The following PKIG variants were observed in gnomAD, a reference collection of about 807,000 sequenced individuals.
The protein encoded by PKIG is cAMP-dependent protein kinase inhibitor gamma.
PKIG carries 1 observed loss-of-function variant against 6.8 expected under a neutral mutation model. The observed-to-expected ratio is 0.15, with a 90% confidence interval of 0.05 to 0.69. The LOEUF (loss-of-function observed/expected upper bound fraction) is 0.69, where lower values mean the gene tolerates loss of function less well. PKIG is among the 30% of genes least tolerant of loss of function. The pLI is 0.82. For synonymous variants in PKIG, 39 were observed against 43.0 expected, an observed-to-expected ratio of 0.91 and a Z score of 0.36; for missense variants, 77 against 104.0, an observed-to-expected ratio of 0.74 and a Z score of 1.13.
chr20:44,604,006 A>G (rs1217314315), intron 2 of PKIG, among the ~76,000 whole-genome samples: 1 of 151,850 alleles, frequency 6.6e-6, no homozygotes, highest in African/African-American at 2.4e-5. Flanking sequence ...GAAGTAGAGG[A>G]CAGAGGGCTT....
intron 1 of PKIG, among the ~76,000 whole-genome samples, chr20:44,538,061 A>G (rs1568800866): frequency 6.6e-6 from 1 of 152,200 alleles, no homozygotes; most frequent in Non-Finnish European, 1.5e-5. Flanking sequence ...AAAGGACAAT[A>G]TAAGGTATAC....
intron 1 of PKIG, among the ~76,000 whole-genome samples, chr20:44,545,520 AT>A (rs1315166900): frequency 1.3e-5 from 2 of 152,174 alleles, no homozygotes; most frequent in Non-Finnish European, 2.9e-5. Context: ...GAAGAAAAAA[AT>A]TATAAAAATA....
rs79341820 is a variant in PKIG at position 44,601,094 on chromosome 20, A to G, written c.-24+11228A>G. 1.6e-3 allele frequency among the ~76,000 whole-genome samples: 251 copies of G among 152,322 alleles called. 2 individuals carry two copies. Among genetic ancestry groups the G allele is most frequent in the African/African-American group, 5.7e-3 (237 of 41,588 alleles). On this transcript the variant is annotated intron_variant, in intron 2 of 3. Coordinates refer to ENST00000372886, the MANE Select transcript of PKIG (RefSeq NM_001281445.2). ...AGGCCCAAAGGGTGTGGTGTCTGGA[A>G]GTCCCATGAAGAGAATGGTCCGGGA...
intron 2 of PKIG, among the ~76,000 whole-genome samples, chr20:44,603,612 C>G (rs2065140267): frequency 6.6e-6 from 1 of 152,200 alleles, no homozygotes; most frequent in South Asian, 2.1e-4. Context: ...ATCAAGAACC[C>G]TGGGCAAGTG....
intron 1 of PKIG, among the ~76,000 whole-genome samples, chr20:44,573,457 C>T (rs969070544): frequency 6.6e-6 from 1 of 152,214 alleles, no homozygotes; most frequent in Non-Finnish European, 1.5e-5. Flanking sequence ...GCGCAAGTTA[C>T]GTAACTTTTC....
At chr20:44,548,085 A>G (rs2064632710) in intron 1 of PKIG, among the ~76,000 whole-genome samples, 1 of 152,134 alleles carries the variant, frequency 6.6e-6, no homozygotes, top group Non-Finnish European at 1.5e-5. Context: ...ATGCTGGGGC[A>G]GGAGAATTAC....
At chr20:44,605,451 A>G (rs745462650) in intron 2 of PKIG, among the ~76,000 whole-genome samples, 1 of 151,368 alleles carries the variant, frequency 6.6e-6, no homozygotes, top group Non-Finnish European at 1.5e-5. Context: ...AGACCCCAAT[A>G]CACAGTTTTG....
intron 2 of PKIG, chr20:44,598,709 C>T (rs919957582): frequency 3.3e-5 from 5 of 152,212 alleles, no homozygotes; most frequent in Non-Finnish European, 5.9e-5. Context: ...CTGGGGAGGA[C>T]CCAGCATGCC....
At chr20:44,608,180 A>T (rs2065184074) in intron 2 of PKIG, among the ~76,000 whole-genome samples, 2 of 152,204 alleles carry the variant, frequency 1.3e-5, no homozygotes, top group South Asian at 4.1e-4. Flanking sequence ...TTTAGACCAC[A>T]TGCACACATA....
At chr20:44,608,377 C>A (rs1254043818) in intron 2 of PKIG, among the ~76,000 whole-genome samples, 2 of 152,080 alleles carry the variant, frequency 1.3e-5, no homozygotes, top group Non-Finnish European at 2.9e-5. Flanking sequence ...CATTTTAATG[C>A]CTGAATGGTA....
intron 2 of PKIG, among the ~76,000 whole-genome samples, chr20:44,594,094 G>T (rs1345312185): frequency 6.6e-6 from 1 of 152,082 alleles, no homozygotes; most frequent in Non-Finnish European, 1.5e-5. Flanking sequence ...ACATCATTTG[G>T]CCAATGTACC....
intron 1 of PKIG, among the ~76,000 whole-genome samples, chr20:44,534,315 G>A (rs756264408): frequency 3.5e-4 from 54 of 152,150 alleles, no homozygotes; most frequent in Non-Finnish European, 7.2e-4. Context: ...TTTTGGAGAC[G>A]TGGGAAGCCA....
At chr20:44,595,327 A>G (rs1273223515) in intron 2 of PKIG, among the ~76,000 whole-genome samples, 2 of 152,152 alleles carry the variant, frequency 1.3e-5, no homozygotes. Context: ...AGAGAACCCA[A>G]AGTGTTGTGG....
intron 1 of PKIG, among the ~76,000 whole-genome samples, chr20:44,584,459 A>T (rs1409381622): frequency 2.0e-5 from 3 of 150,756 alleles, no homozygotes; most frequent in African/African-American, 7.3e-5. Context: ...CTCTCCTGCC[A>T]CAAGGGAAGG....
At chr20:44,615,875 C>A (rs1455666534) in intron 3 of PKIG, among the ~76,000 whole-genome samples, 1 of 152,138 alleles carries the variant, frequency 6.6e-6, no homozygotes, top group Non-Finnish European at 1.5e-5. Context: ...TTGCTCTGGG[C>A]CACCCAGGGA....
At chr20:44,546,560 C>CT (rs59060487) in intron 1 of PKIG, among the ~76,000 whole-genome samples, 53 of 141,844 alleles carry the variant, frequency 3.7e-4, no homozygotes, top group African/African-American at 6.0e-4. Context: ...TTTTTGAGTT[C>CT]TTTTTTTTTT....
chr20:44,567,143 A>G (rs900611193), intron 1 of PKIG, among the ~76,000 whole-genome samples: 1 of 152,256 alleles, frequency 6.6e-6, no homozygotes, highest in African/African-American at 2.4e-5. Flanking sequence ...GCCAGATAAC[A>G]GATCCTAGTG....
chr20:44,574,156 T>A (rs1482695303), intron 1 of PKIG, among the ~76,000 whole-genome samples: 1 of 152,206 alleles, frequency 6.6e-6, no homozygotes, highest in Non-Finnish European at 1.5e-5. Context: ...TACATGCACA[T>A]AGTTTGCCTT....
chr20:44,549,272 C>T (rs1045872003), intron 1 of PKIG, among the ~76,000 whole-genome samples: 4 of 152,076 alleles, frequency 2.6e-5, no homozygotes, highest in African/African-American at 9.7e-5. Context: ...CAAAAAAACA[C>T]GTACAAGATA....
Sources: gnomAD v4.1 joint callset for allele counts (sites outside exome capture counted in the v4.1 genomes callset) on GRCh38, gnomAD v4.1.1 for gene constraint, MANE v1.5 for transcripts, NCBI Gene and HGNC (gene_info 2026-07-23, HGNC 2026-07-21) for gene names.